MIS18A: variants seen among roughly 807,000 people sequenced by gnomAD.
MIS18A encodes the protein protein Mis18-alpha.
In MIS18A, 14 loss-of-function variants were observed where a neutral mutation model predicts 25.0. The ratio of observed to expected loss-of-function variants is 0.56; its 90% CI spans 0.37 to 0.88. The LOEUF (loss-of-function observed/expected upper bound fraction) is 0.88, where lower values mean the gene tolerates loss of function less well. MIS18A is among the 40% of genes least tolerant of loss of function. The pLI is 0.00. For missense variants in MIS18A, 292 were observed against 290.8 expected (o/e 1.00, Z -0.03); for synonymous variants, 134 against 118.6 (o/e 1.13, Z -0.84).
At chr21:32,173,955 G>GTTT in the MIS18A span, among the ~76,000 whole-genome samples, 31 of 92,584 alleles carry the variant, frequency 3.3e-4, no homozygotes, top group African/African-American at 6.4e-4. Context: ...TACTTTTTAA[G>GTTT]TTTTTTTTTT....
At chr21:32,240,294 C>T in the MIS18A span, among the ~76,000 whole-genome samples, 1 of 152,236 alleles carries the variant, frequency 6.6e-6, no homozygotes, top group Non-Finnish European at 1.5e-5. Flanking sequence ...GAAGGTGAAG[C>T]CCTCACGAAT....
At chr21:32,162,259 T>C in the MIS18A span, among the ~76,000 whole-genome samples, 10 of 152,120 alleles carry the variant, frequency 6.6e-5, no homozygotes, top group Non-Finnish European at 2.9e-5. Context: ...ACACTGCCAG[T>C]GAAACTTTGC....
At chr21:32,195,891 A>G in the MIS18A span, among the ~76,000 whole-genome samples, 1 of 152,156 alleles carries the variant, frequency 6.6e-6, no homozygotes, top group African/African-American at 2.4e-5. Context: ...ATGGTGACAC[A>G]TGCATGTAGT....
downstream of MIS18A, among the ~76,000 whole-genome samples, chr21:32,266,400 G>T (rs540717845): frequency 2.0e-5 from 3 of 152,292 alleles, no homozygotes; most frequent in South Asian, 6.2e-4. Flanking sequence ...GCCAGCATTG[G>T]CAACCTGCTC....
the MIS18A span, among the ~76,000 whole-genome samples, chr21:32,200,589 A>G: frequency 6.6e-6 from 1 of 151,892 alleles, no homozygotes; most frequent in Non-Finnish European, 1.5e-5. Context: ...ATCTGCCACC[A>G]TGCTCGGCTA....
chr21:32,226,652 C>G, the MIS18A span, among the ~76,000 whole-genome samples: 5 of 152,098 alleles, frequency 3.3e-5, no homozygotes, highest in African/African-American at 1.2e-4. Context: ...TCAGCAATAA[C>G]AGTTGGAGAC....
At chr21:32,177,411 G>A in the MIS18A span, among the ~76,000 whole-genome samples, 1 of 152,060 alleles carries the variant, frequency 6.6e-6, no homozygotes. Flanking sequence ...AAGAATCCCT[G>A]CTTTCACTGT....
the MIS18A span, among the ~76,000 whole-genome samples, chr21:32,225,088 GA>G: frequency 9.2e-4 from 114 of 123,296 alleles, no homozygotes; most frequent in Non-Finnish European, 1.1e-3. Flanking sequence ...GTAGAAAGCT[GA>G]AACTGGATCC....
At chr21:32,157,242 G>GTTTTT in the MIS18A span, among the ~76,000 whole-genome samples, 44 of 15,318 alleles carry the variant, frequency 2.9e-3, 2 homozygotes, top group Non-Finnish European at 4.2e-3. Flanking sequence ...TTTTTTTTTG[G>GTTTTT]TAGTTTTAGT....
chr21:32,258,346 G>A, the MIS18A span, among the ~76,000 whole-genome samples: 1 of 152,146 alleles, frequency 6.6e-6, no homozygotes, highest in Admixed American at 6.5e-5. Context: ...GGGCTGCATC[G>A]GGGACGGGGG....
At chr21:32,275,924 C>T (rs1292392283) in intron 1 of MIS18A, among the ~76,000 whole-genome samples, 1 of 152,048 alleles carries the variant, frequency 6.6e-6, no homozygotes, top group African/African-American at 2.4e-5. Flanking sequence ...CATACTTGTT[C>T]CTCCTTCAAT....
the MIS18A span, among the ~76,000 whole-genome samples, chr21:32,168,630 T>C: frequency 3.9e-5 from 6 of 152,200 alleles, no homozygotes; most frequent in African/African-American, 7.2e-5. Context: ...CAAAGTGTTG[T>C]AAGGCCCTAG....
At chr21:32,239,739 C>T in the MIS18A span, among the ~76,000 whole-genome samples, 4 of 152,192 alleles carry the variant, frequency 2.6e-5, no homozygotes, top group Admixed American at 2.0e-4. Context: ...GCATGAGTTC[C>T]ACCCTTAGGT....
At chr21:32,278,179 G>A (rs1176705303) in intron 1 of MIS18A, 1 of 154,288 alleles carries the variant, frequency 6.5e-6, no homozygotes, top group Admixed American at 6.5e-5. Context: ...GTTTTCATGG[G>A]GTTGTTGGTG....
chr21:32,264,308 T>C (rs73901359), downstream of MIS18A, among the ~76,000 whole-genome samples: 4,625 of 152,284 alleles, frequency 0.03, 233 homozygotes, highest in African/African-American at 0.11. Context: ...TTTTCTATTT[T>C]TCAGATTTTG....
chr21:32,155,174 G>C, the MIS18A span, among the ~76,000 whole-genome samples: 1 of 152,104 alleles, frequency 6.6e-6, no homozygotes, highest in African/African-American at 2.4e-5. Context: ...TTTTATGGTT[G>C]GGATGGATGC....
At chr21:32,261,924 AAG>A in the MIS18A span, among the ~76,000 whole-genome samples, 5 of 152,236 alleles carry the variant, frequency 3.3e-5, no homozygotes, top group African/African-American at 4.8e-5. Flanking sequence ...ACAGAAGAAA[AAG>A]AGAGAAGCTC....
chr21:32,278,361 ATTTG>A (rs1601083045), intron 1 of MIS18A: 1 of 371,318 alleles, frequency 2.7e-6, no homozygotes, highest in East Asian at 4.9e-5. Flanking sequence ...CTAGTTGACC[ATTTG>A]TTTCTCTTTT....
chr21:32,266,852 T>C (rs376323933), downstream of MIS18A, among the ~76,000 whole-genome samples: 43 of 152,288 alleles, frequency 2.8e-4, no homozygotes, highest in African/African-American at 9.6e-4. Context: ...CAGGCAGTGC[T>C]TCCCCAGGGC....
Sources: allele counts gnomAD v4.1 joint callset (sites outside exome capture counted in the v4.1 genomes callset), GRCh38; gene constraint gnomAD v4.1.1; transcripts MANE v1.5; gene names NCBI Gene and HGNC (gene_info 2026-07-23, HGNC 2026-07-21).